MTAP: variants seen among roughly 807,000 people sequenced by gnomAD.
The protein encoded by MTAP is S-methyl-5'-thioadenosine phosphorylase.
A neutral mutation model predicts 33.6 loss-of-function variants in MTAP; 33 were observed. The ratio of observed to expected loss-of-function variants is 0.98; its 90% confidence interval spans 0.74 to 1.31. The LOEUF is 1.31. MTAP is among the 40% of genes most tolerant of loss of function. MTAP has a pLI of 0.00. For missense variants in MTAP, 367 were observed against 360.0 expected (o/e 1.02, Z -0.16); for synonymous variants, 148 against 125.7 (o/e 1.18, Z -1.19).
chr9:21,841,256 G>C (rs768665805), intron 5 of MTAP, among the ~76,000 whole-genome samples: 1 of 152,208 alleles, frequency 6.6e-6, no homozygotes, highest in African/African-American at 2.4e-5. Context: ...CAAGCTTAGA[G>C]CCCCCTACTC....
intron 1 of MTAP, among the ~76,000 whole-genome samples, chr9:21,898,020 G>C (rs1480802641): frequency 6.6e-6 from 1 of 152,180 alleles, no homozygotes; most frequent in African/African-American, 2.4e-5. Flanking sequence ...CATGGTACTG[G>C]TACCAAAACA....
At chr9:21,827,663 C>A (rs1314025727) in intron 4 of MTAP, among the ~76,000 whole-genome samples, 1 of 152,148 alleles carries the variant, frequency 6.6e-6, no homozygotes, top group Non-Finnish European at 1.5e-5. Flanking sequence ...ACTTTCTGCC[C>A]AGTTTGCACC....
chr9:21,822,113 T>C (rs1824657909), intron 4 of MTAP, among the ~76,000 whole-genome samples: 1 of 152,204 alleles, frequency 6.6e-6, no homozygotes, highest in Non-Finnish European at 1.5e-5. Context: ...GATGGGTTTT[T>C]TGTGTCTCTA....
At chr9:21,842,989 T>A (rs1825288814) in intron 5 of MTAP, among the ~76,000 whole-genome samples, 1 of 152,198 alleles carries the variant, frequency 6.6e-6, no homozygotes, top group African/African-American at 2.4e-5. Context: ...GATAAAAATC[T>A]ACCAACTAAG....
chr9:21,919,747 T>C (rs1255141062), intron 1 of MTAP, among the ~76,000 whole-genome samples: 1 of 151,996 alleles, frequency 6.6e-6, no homozygotes, highest in Non-Finnish European at 1.5e-5. Flanking sequence ...GGTGGAGTAA[T>C]AAAGTGGTGG....
chr9:21,874,250 T>G (rs1825974333), intron 1 of MTAP, among the ~76,000 whole-genome samples: 1 of 152,248 alleles, frequency 6.6e-6, no homozygotes, highest in African/African-American at 2.4e-5. Flanking sequence ...TCCCACTGAC[T>G]GTTCACCTCC....
intron 4 of MTAP, among the ~76,000 whole-genome samples, chr9:21,826,658 A>T (rs1824815840): frequency 6.7e-6 from 1 of 149,276 alleles, no homozygotes; most frequent in Non-Finnish European, 1.5e-5. Flanking sequence ...ATTTAACTGC[A>T]CAAGTAATAT....
chr9:21,894,215 A>G (rs1350138607), intron 1 of MTAP, among the ~76,000 whole-genome samples: 1 of 72,758 alleles, frequency 1.4e-5, no homozygotes, highest in Non-Finnish European at 3.2e-5. Context: ...TCATGTTAAA[A>G]AAAAAAAAAA....
chr9:21,816,243 C>G (rs1359169401), intron 2 of MTAP, among the ~76,000 whole-genome samples: 1 of 152,206 alleles, frequency 6.6e-6, no homozygotes, highest in African/African-American at 2.4e-5. Context: ...CCCCTCGGTT[C>G]TAAGGGTCTT....
downstream of MTAP, chr9:21,931,910 G>A (rs574646571): frequency 6.6e-6 from 1 of 152,270 alleles, no homozygotes; most frequent in African/African-American, 2.4e-5. Context: ...AGCTGCTGCA[G>A]ACCCATACAG....
At chr9:21,914,525 A>C (rs1005694881) in intron 1 of MTAP, among the ~76,000 whole-genome samples, 34 of 151,818 alleles carry the variant, frequency 2.2e-4, no homozygotes, top group African/African-American at 8.0e-4. Flanking sequence ...GCAAACTATC[A>C]CAAGGACAGA....
exon 8 of MTAP, chr9:21,936,796 A>G (rs1480539953): frequency 2.0e-5 from 3 of 152,208 alleles, no homozygotes; most frequent in Non-Finnish European, 4.4e-5. Context: ...TAAAAAGACT[A>G]AAAATAATAA....
At chr9:21,851,885 A>G in intron 5 of MTAP, among the ~76,000 whole-genome samples, 1 of 152,170 alleles carries the variant, frequency 6.6e-6, no homozygotes, top group East Asian at 1.9e-4. Flanking sequence ...CCTGCCCTCC[A>G]ACATCAAACT....
At chr9:21,853,345 T>C (rs905026221) in intron 5 of MTAP, among the ~76,000 whole-genome samples, 13 of 152,204 alleles carry the variant, frequency 8.5e-5, no homozygotes, top group Non-Finnish European at 1.9e-4. Flanking sequence ...TTATAACATA[T>C]ACTTTTTAGG....
rs71334599 is a variant in MTAP at position 21,803,037 on chromosome 9, C to CACACACACACACACACACACACACA, written c.33+256_33+257insACACACACACACACACACACACACA. The CACACACACACACACACACACACACA allele has an allele frequency of 2.6e-4, 280 of 1,078,580 alleles. 3 individuals carry two copies. Among genetic ancestry groups the CACACACACACACACACACACACACA allele is most frequent in the South Asian group, 1.0e-3 (48 of 47,294 alleles). 66.8% of individuals were successfully genotyped at this position (1,078,580 alleles called of 1,614,324 possible). On this transcript the variant is annotated intron_variant, in intron 1 of 7. Transcript: ENST00000644715. The stretch of plus-strand genomic sequence containing the variant: ...ACACACACACACACACACACACACA[C>CACACACACACACACACACACACACA]CACCTTTTGGCTTATCTGCACCCGC...
At chr9:21,899,636 C>A (rs1818356459) in intron 1 of MTAP, among the ~76,000 whole-genome samples, 1 of 150,690 alleles carries the variant, frequency 6.6e-6, no homozygotes, top group South Asian at 2.1e-4. Context: ...AGGGTACATG[C>A]CAGATGCTTA....
At chr9:21,903,289 A>G (rs1039239558) in intron 1 of MTAP, among the ~76,000 whole-genome samples, 2 of 152,198 alleles carry the variant, frequency 1.3e-5, no homozygotes, top group Non-Finnish European at 2.9e-5. Context: ...TTTCGTGAAC[A>G]AGTTATCCTG....
At position 21,863,198 on chromosome 9, in the gene MTAP, A is replaced by T; in HGVS notation, c.*1184A>T. 1.0e-6 allele frequency: 1 copy of T among 965,054 alleles called. No individual in the cohort carries two copies. Among genetic ancestry groups the T allele is most frequent in the South Asian group, 4.8e-5 (1 of 20,850 alleles). 59.8% of individuals were successfully genotyped at this position (965,054 alleles called of 1,614,324 possible). ...TATGGTATCTGATATTTTAAAAAGT[A>T]ATGTTTGATTCTCCTTTTTATGAGT... On this transcript the variant is annotated 3_prime_UTR_variant, in exon 8 of 8. Coordinates refer to ENST00000644715, the MANE Select transcript of MTAP (RefSeq NM_002451.4).
intron 1 of MTAP, among the ~76,000 whole-genome samples, chr9:21,907,129 T>A (rs552870207): frequency 6.6e-6 from 1 of 152,224 alleles, no homozygotes; most frequent in Non-Finnish European, 1.5e-5. Context: ...TTGAAGTCAT[T>A]TCATCTAGAG....
Sources: allele counts gnomAD v4.1 joint callset (sites outside exome capture counted in the v4.1 genomes callset), GRCh38; gene constraint gnomAD v4.1.1; transcripts MANE v1.5; gene names NCBI Gene and HGNC (gene_info 2026-07-23, HGNC 2026-07-21).